The following TLK1 variants were observed in gnomAD, a reference collection of about 807,000 sequenced individuals.
TLK1 encodes the protein serine/threonine-protein kinase tousled-like 1.
A neutral mutation model predicts 105.3 loss-of-function variants in TLK1; 24 were observed. The ratio of observed to expected loss-of-function variants is 0.23; its 90% CI spans 0.17 to 0.32. TLK1 has a LOEUF of 0.32. TLK1 is among the 10% of genes least tolerant of loss of function. The pLI is 1.00. For synonymous variants in TLK1, 321 were observed against 310.4 expected, an observed-to-expected ratio of 1.03 and a Z score of -0.36; for missense variants, 558 against 910.5, an observed-to-expected ratio of 0.61 and a Z score of 4.98.
At chr2:171,194,950 C>CTG (rs1157449380) in intron 1 of TLK1, among the ~76,000 whole-genome samples, 1 of 152,110 alleles carries the variant, frequency 6.6e-6, no homozygotes, top group East Asian at 1.9e-4. Flanking sequence ...ACACGAATCA[C>CTG]TGCTCTGCTC....
At chr2:171,182,339 A>G (rs918893255) in intron 1 of TLK1, among the ~76,000 whole-genome samples, 1 of 152,244 alleles carries the variant, frequency 6.6e-6, no homozygotes, top group South Asian at 2.1e-4. Context: ...GAAACCTGGC[A>G]TATACCATCT....
chr2:171,071,095 CT>C (rs1186997520), intron 3 of TLK1, among the ~76,000 whole-genome samples: 1 of 152,160 alleles, frequency 6.6e-6, no homozygotes, highest in Non-Finnish European at 1.5e-5. Context: ...CTCTTCAAAT[CT>C]TTTGCCCATT....
Position 171,160,070 on chromosome 2 carries a change from C to T in TLK1, c.139+220G>A, listed in dbSNP as rs369215587. 2.1e-4 allele frequency among the ~76,000 whole-genome samples: 32 copies of T among 152,302 alleles called. No homozygotes were observed. Among genetic ancestry groups the T allele is most frequent in the African/African-American group, 7.2e-4 (30 of 41,576 alleles). ...GCCCCGTCCCCACCAGCGCGCACCCCCTCGTCCGTCTCCTCCGCCACCCGC... is the reference window on the plus strand; with the variant it reads ...GCCCCGTCCCCACCAGCGCGCACCCTCTCGTCCGTCTCCTCCGCCACCCGC... On this transcript the variant is annotated intron_variant, in intron 1 of 20. Transcript: ENST00000431350. This position sits in a 1 kb window ranked among gnomAD's most constrained non-coding sequence, Gnocchi z 4.4.
At chr2:171,214,995 T>C (rs1280934780) in intron 1 of TLK1, among the ~76,000 whole-genome samples, 2 of 151,960 alleles carry the variant, frequency 1.3e-5, no homozygotes, top group African/African-American at 2.4e-5. Flanking sequence ...GGCTGGTGTA[T>C]AGTCATATGA....
intron 1 of TLK1, among the ~76,000 whole-genome samples, chr2:171,118,143 T>C (rs1690511533): frequency 1.3e-5 from 2 of 152,186 alleles, no homozygotes; most frequent in South Asian, 4.1e-4. Context: ...TTTCACAGAA[T>C]ACCAAATCTT....
intron 1 of TLK1, among the ~76,000 whole-genome samples, chr2:171,220,574 G>T (rs1693790127): frequency 6.6e-6 from 1 of 152,154 alleles, no homozygotes. Context: ...CCAACAACCA[G>T]CACCAACTTG....
intron 1 of TLK1, among the ~76,000 whole-genome samples, chr2:171,186,131 G>C (rs1330560367): frequency 2.0e-5 from 3 of 152,212 alleles, no homozygotes; most frequent in African/African-American, 7.2e-5. Flanking sequence ...TATGACTCAG[G>C]CTCTAAAAGT....
intron 3 of TLK1, among the ~76,000 whole-genome samples, chr2:171,078,515 G>C (rs956143279): frequency 6.6e-6 from 1 of 151,942 alleles, no homozygotes; most frequent in African/African-American, 2.4e-5. Context: ...TCCAGCCTGG[G>C]CAACAGGCGA....
In TLK1 at chr2:171,160,751, G is replaced by C. The variant is rs1405211054; in HGVS notation, c.-323C>G. 2.3e-6 allele frequency: 1 copy of C among 426,584 alleles called. No individual in the cohort carries two copies. The highest frequency in any genetic ancestry group is 4.1e-6 in the Non-Finnish European group (1 of 245,628). 26.4% of individuals were successfully genotyped at this position (426,584 alleles called of 1,614,324 possible). Reference sequence around the variant, plus strand: ...CAGCCGGGCCGGGGTCGGAGCGCGGGCGGAGCGCGGGCTGCGCCGGCCGAG... The same window carrying C: ...CAGCCGGGCCGGGGTCGGAGCGCGGCCGGAGCGCGGGCTGCGCCGGCCGAG... On this transcript the variant is annotated 5_prime_UTR_variant, in exon 1 of 21. Coordinates refer to ENST00000431350, the MANE Select transcript of TLK1 (RefSeq NM_012290.5). This position sits in a 1 kb window ranked among gnomAD's most constrained non-coding sequence, Gnocchi z 4.4.
intron 1 of TLK1, chr2:171,159,969 G>T (rs1001922466): frequency 2.3e-5 from 6 of 264,482 alleles, no homozygotes; most frequent in Admixed American, 1.1e-4. Flanking sequence ...GAGCAGAAAG[G>T]GGCTCGCGTC....
At position 171,116,238 on chromosome 2, in the gene TLK1, A is replaced by C. The variant is rs1575606252; in HGVS notation, c.258+1501T>G. Among the ~76,000 whole-genome samples the C allele has an allele frequency of 3.3e-5, 5 of 152,358 alleles. 1 individual carries two copies. The Middle Eastern group carries it at 0.017, about 518-fold the overall frequency. ...GAACAAAGTAAGAGACATATGACAAAGTGGGAGAAGTTACTTACGATGTAT... is the reference window on the plus strand; with the variant it reads ...GAACAAAGTAAGAGACATATGACAACGTGGGAGAAGTTACTTACGATGTAT... On this transcript the variant is annotated intron_variant, in intron 2 of 20. Coordinates refer to ENST00000431350, the MANE Select transcript of TLK1 (RefSeq NM_012290.5).
intron 3 of TLK1, among the ~76,000 whole-genome samples, chr2:171,073,180 C>A (rs1174932807): frequency 6.6e-6 from 1 of 152,076 alleles, no homozygotes; most frequent in African/African-American, 2.4e-5. Flanking sequence ...TTGACTTCTT[C>A]CTTTCCAATT....
At position 171,061,250 on chromosome 2, in the gene TLK1, T is replaced by C. The variant is rs755785143; in HGVS notation, c.331-94A>G. 2.3e-4 allele frequency: 245 copies of C among 1,042,842 alleles called. 1 individual carries two copies. The highest frequency in any genetic ancestry group is 3.4e-4 in the Non-Finnish European group (237 of 694,358). The allele number at this position is 1,042,842 out of a possible 1,614,324, so 64.6% of individuals were successfully genotyped here. A position where few individuals can be genotyped will look rare whatever the true frequency, so the allele number is the denominator to read the frequency against. On this transcript the variant is annotated intron_variant, in intron 3 of 20. Coordinates refer to ENST00000431350, the MANE Select transcript of TLK1 (RefSeq NM_012290.5). ...AAACCATGTTTCGAGACCAAAAAAA[T>C]AGCATTCAGTAGTGCTCAAGAGATG... is the stretch of plus-strand genomic sequence containing the variant.
At chr2:171,208,722 C>T (rs1479809880) in intron 1 of TLK1, among the ~76,000 whole-genome samples, 1 of 152,160 alleles carries the variant, frequency 6.6e-6, no homozygotes, top group African/African-American at 2.4e-5. Context: ...ATATTGACAA[C>T]CATCCCAAAG....
intron 2 of TLK1, among the ~76,000 whole-genome samples, chr2:171,111,687 A>C (rs1037825524): frequency 1.3e-5 from 2 of 152,094 alleles, no homozygotes; most frequent in Non-Finnish European, 2.9e-5. Context: ...TATCATATAC[A>C]GGATGCTGAA....
At chr2:171,020,417 G>A (rs867315573) in intron 12 of TLK1, among the ~76,000 whole-genome samples, 15 of 151,948 alleles carry the variant, frequency 9.9e-5, no homozygotes, top group South Asian at 2.1e-4. Flanking sequence ...GCAGGAGCCT[G>A]TAGTCCCAGC....
intron 3 of TLK1, among the ~76,000 whole-genome samples, chr2:171,068,369 G>A (rs181859312): frequency 1.3e-5 from 2 of 152,180 alleles, no homozygotes; most frequent in African/African-American, 2.4e-5. Context: ...ATGGGGTCTC[G>A]CTTCATTGTC....
chr2:171,021,097 T>G (rs1308492139), intron 12 of TLK1, among the ~76,000 whole-genome samples: 1 of 152,154 alleles, frequency 6.6e-6, no homozygotes, highest in Non-Finnish European at 1.5e-5. Context: ...TCCCTTCAAA[T>G]GCATAAATAC....
At chr2:171,015,733 C>CACACACACACACACA (rs1685169621) in intron 12 of TLK1, among the ~76,000 whole-genome samples, 14 of 8,156 alleles carry the variant, frequency 1.7e-3, no homozygotes, top group African/African-American at 2.3e-3. Flanking sequence ...ACACACACAC[C>CACACACACACACACA]CACCCCTTTT....
Sources: gnomAD v4.1 joint callset for allele counts (sites outside exome capture counted in the v4.1 genomes callset) on GRCh38, gnomAD v4.1.1 for gene constraint, Gnocchi (gnomAD v3.1) non-coding constraint, MANE v1.5 for transcripts, NCBI Gene and HGNC (gene_info 2026-07-23, HGNC 2026-07-21) for gene names.